The following KCNAB1 variants were observed in gnomAD, a reference collection of about 807,000 sequenced individuals.
KCNAB1 encodes the protein potassium voltage-gated channel subfamily A regulatory beta subunit 1.
Under a neutral mutation model 64.6 loss-of-function variants are expected in KCNAB1, and 35 were observed. That is an observed-to-expected ratio of 0.54 (90% CI 0.41 to 0.72). The LOEUF (loss-of-function observed/expected upper bound fraction) is 0.72, where lower values mean the gene tolerates loss of function less well. KCNAB1 is among the 30% of genes least tolerant of loss of function. The probability of loss-of-function intolerance (pLI) is 0.00; values close to 1 mark genes in which losing one functional copy is unlikely to be tolerated. For synonymous variants in KCNAB1, 177 were observed against 183.8 expected (o/e 0.96, Z 0.30); for missense variants, 401 against 512.9 (o/e 0.78, Z 2.11).
At chr3:156,124,766 C>G (rs1713553605) in intron 1 of KCNAB1, among the ~76,000 whole-genome samples, 1 of 152,002 alleles carries the variant, frequency 6.6e-6, no homozygotes, top group Non-Finnish European at 1.5e-5. Flanking sequence ...TTTTATAGTT[C>G]AACAAAATGT....
At chr3:156,418,652 C>T (rs1715261808) in intron 1 of KCNAB1, among the ~76,000 whole-genome samples, 1 of 152,206 alleles carries the variant, frequency 6.6e-6, no homozygotes, top group African/African-American at 2.4e-5. Flanking sequence ...AAGTGAGTGG[C>T]ACCATCCTGT....
intron 1 of KCNAB1, among the ~76,000 whole-genome samples, chr3:156,294,708 G>A (rs191434773): frequency 1.5e-4 from 23 of 152,188 alleles, no homozygotes; most frequent in Admixed American, 5.2e-4. Context: ...AACTAAAATC[G>A]AAAGTTAGTA....
intron 1 of KCNAB1, among the ~76,000 whole-genome samples, chr3:156,335,283 C>T (rs905873887): frequency 6.6e-6 from 1 of 152,238 alleles, no homozygotes; most frequent in African/African-American, 2.4e-5. Flanking sequence ...CTTCCTCCTC[C>T]TGTGTGTTTA....
At chr3:156,124,277 C>T (rs952376342) in intron 1 of KCNAB1, among the ~76,000 whole-genome samples, 16 of 150,264 alleles carry the variant, frequency 1.1e-4, no homozygotes, top group Non-Finnish European at 1.6e-4. Flanking sequence ...AGTGCAGTGG[C>T]GCAAACTCAG....
intron 1 of KCNAB1, among the ~76,000 whole-genome samples, chr3:156,300,119 T>C (rs1161192389): frequency 1.3e-5 from 2 of 152,168 alleles, no homozygotes; most frequent in African/African-American, 4.8e-5. Flanking sequence ...TTCTGATACC[T>C]GGGGAGGGAG....
chr3:156,250,840 G>A (rs1383301887), intron 1 of KCNAB1, among the ~76,000 whole-genome samples: 2 of 152,214 alleles, frequency 1.3e-5, no homozygotes, highest in Non-Finnish European at 2.9e-5. Flanking sequence ...TCAGGTTAAT[G>A]CTTTTATGTC....
chr3:156,482,302 A>C (rs1344502619), intron 8 of KCNAB1, among the ~76,000 whole-genome samples: 1 of 152,120 alleles, frequency 6.6e-6, no homozygotes, highest in East Asian at 1.9e-4. Flanking sequence ...TCATTCATTC[A>C]GTTGATATTC....
At chr3:156,524,171 A>G (rs111310699) in intron 12 of KCNAB1, 297 of 471,536 alleles carry the variant, frequency 6.3e-4, no homozygotes, top group African/African-American at 5.2e-3. Flanking sequence ...CTTATAACAT[A>G]GTTTAAATGA....
intron 7 of KCNAB1, among the ~76,000 whole-genome samples, chr3:156,472,911 T>C (rs762600005): frequency 1.4e-4 from 22 of 152,310 alleles, no homozygotes; most frequent in Middle Eastern, 6.8e-3. Context: ...GTCTGTGACA[T>C]GCCTGATCAC....
rs1267937073 is a variant in KCNAB1 at position 156,374,659 on chromosome 3, G to A, written c.276-46957G>A. On this transcript the variant is annotated intron_variant, in intron 1 of 13. Coordinates refer to ENST00000490337, the MANE Select transcript of KCNAB1 (RefSeq NM_172160.3). ...CCTTTGCCCTTCCCACTAGCGAGAG[G>A]TGGTAGAATGCAGAGGTGAATGGCA... Among the ~76,000 whole-genome samples the A allele has an allele frequency of 3.0e-5, 4 of 134,822 alleles. 1 individual carries two copies. The highest frequency in any genetic ancestry group is 6.2e-5 in the Non-Finnish European group (4 of 64,790). The allele number at this position is 134,822 out of a possible 152,430, so 88.4% of individuals were successfully genotyped here.
At chr3:156,398,388 C>T (rs1270186418) in intron 1 of KCNAB1, among the ~76,000 whole-genome samples, 1 of 152,032 alleles carries the variant, frequency 6.6e-6, no homozygotes, top group Admixed American at 6.6e-5. Context: ...CTCAGGAGAT[C>T]GAAACCATCC....
At chr3:156,454,497 A>C (rs956584447) in intron 3 of KCNAB1, among the ~76,000 whole-genome samples, 1 of 152,166 alleles carries the variant, frequency 6.6e-6, no homozygotes, top group Non-Finnish European at 1.5e-5. Flanking sequence ...TGACAGAGGA[A>C]GGCCATTTGA....
In KCNAB1 at chr3:156,465,647, G is replaced by A; in HGVS notation, c.532G>A (p.Glu178Lys). 1 of 1,613,142 alleles carries A rather than the reference G, an allele frequency of 6.2e-7. No individual in the cohort carries two copies. The highest frequency in any genetic ancestry group is 8.5e-7 in the Non-Finnish European group (1 of 1,179,180). The change falls in exon 7 of 14, where the codon GAA becomes AAA. Residue 178 changes from glutamate to lysine, a missense_variant. Glu to Lys is a moderately conservative substitution (Grantham distance 56). Transcript: ENST00000490337. ...TTKLYWGGKA[E>K]TERGLSRKHI... ...TTTGCTTCTTTTTCTTGGCAGAGCTGAAACAGAAAGAGGGCTGTCAAGAAA... is the reference window on the plus strand; with the variant it reads ...TTTGCTTCTTTTTCTTGGCAGAGCTAAAACAGAAAGAGGGCTGTCAAGAAA...
intron 2 of KCNAB1, among the ~76,000 whole-genome samples, chr3:156,430,829 TC>T (rs2108242395): frequency 6.6e-6 from 1 of 152,236 alleles, no homozygotes; most frequent in East Asian, 1.9e-4. Flanking sequence ...GCCCCTTGCG[TC>T]TCTCACATTC....
intron 1 of KCNAB1, among the ~76,000 whole-genome samples, chr3:156,249,740 G>T (rs968472575): frequency 1.3e-5 from 2 of 152,108 alleles, no homozygotes; most frequent in Non-Finnish European, 2.9e-5. Flanking sequence ...TATACAATCT[G>T]ATCATTGTCA....
intron 2 of KCNAB1, among the ~76,000 whole-genome samples, chr3:156,448,912 C>T (rs1711788865): frequency 6.6e-6 from 1 of 152,102 alleles, no homozygotes; most frequent in Non-Finnish European, 1.5e-5. Context: ...TATTCTAGGG[C>T]TGTGGAGATG....
chr3:156,422,107 TG>T (rs894966256), intron 2 of KCNAB1, among the ~76,000 whole-genome samples: 1 of 152,146 alleles, frequency 6.6e-6, no homozygotes, highest in African/African-American at 2.4e-5. Flanking sequence ...CTTAAATATT[TG>T]GGGGGGCAAG....
intron 2 of KCNAB1, among the ~76,000 whole-genome samples, chr3:156,431,766 G>A (rs1306967723): frequency 6.6e-6 from 1 of 152,192 alleles, no homozygotes; most frequent in Non-Finnish European, 1.5e-5. Flanking sequence ...AGAATTTCTA[G>A]GCTCACCTGG....
intron 3 of KCNAB1, among the ~76,000 whole-genome samples, chr3:156,454,925 C>T (rs551765028): frequency 6.6e-6 from 1 of 152,284 alleles, no homozygotes; most frequent in South Asian, 2.1e-4. Context: ...AAGGGCTGAC[C>T]TCTGAGATGA....
Sources: gnomAD v4.1 joint callset for allele counts (sites outside exome capture counted in the v4.1 genomes callset) on GRCh38, gnomAD v4.1.1 for gene constraint, MANE v1.5 for transcripts, NCBI Gene and HGNC (gene_info 2026-07-23, HGNC 2026-07-21) for gene names.